SLCO3A1: variants seen among roughly 807,000 people sequenced by gnomAD.
The protein encoded by SLCO3A1 is solute carrier organic anion transporter family member 3A1, also known as PGE1 transporter.
Under a neutral mutation model 63.1 loss-of-function variants are expected in SLCO3A1, and 27 were observed. That is an observed-to-expected ratio of 0.43 (90% CI 0.32 to 0.59). The LOEUF is 0.59. Ranked by LOEUF, SLCO3A1 falls within the 20% of genes least tolerant of loss-of-function variation. The pLI is 0.09. For synonymous variants in SLCO3A1, 473 were observed against 409.9 expected (o/e 1.15, Z -1.86); for missense variants, 773 against 945.8 (o/e 0.82, Z 2.40).
In SLCO3A1 at chr15:91,876,656, G is replaced by A. The variant is rs548528660; in HGVS notation, c.180+22568G>A. Among the ~76,000 whole-genome samples the A allele has an allele frequency of 1.9e-4, 29 of 152,334 alleles. No homozygotes were observed. The South Asian group carries it at 5.2e-3, about 27-fold the overall frequency. Reference sequence around the variant, plus strand: ...CTGCAGATCTGAGGCTGGCAAGCATGGGCTCTGGATAAGTGGTAGGTTCCG... The same window carrying A: ...CTGCAGATCTGAGGCTGGCAAGCATAGGCTCTGGATAAGTGGTAGGTTCCG... On this transcript the variant is annotated intron_variant, in intron 1 of 9. Transcript: ENST00000318445.
At chr15:92,145,024 A>G (rs74028824) in intron 7 of SLCO3A1, among the ~76,000 whole-genome samples, 8,314 of 152,226 alleles carry the variant, frequency 0.055, 789 homozygotes, top group African/African-American at 0.19. Flanking sequence ...GCGAGTGACC[A>G]GAGGAGGACC....
intron 2 of SLCO3A1, among the ~76,000 whole-genome samples, chr15:92,051,884 A>G (rs2046962335): frequency 6.6e-6 from 1 of 152,224 alleles, no homozygotes; most frequent in Non-Finnish European, 1.5e-5. Flanking sequence ...GTAATTCTAC[A>G]GCAATGAGTC....
At chr15:92,153,484 C>G (rs1360521220) in intron 9 of SLCO3A1, 2 of 152,180 alleles carry the variant, frequency 1.3e-5, no homozygotes, top group African/African-American at 2.4e-5. Flanking sequence ...TGGCCTAATT[C>G]CCTTTCTTGC....
At chr15:92,073,185 G>C (rs2047237165) in intron 2 of SLCO3A1, among the ~76,000 whole-genome samples, 1 of 152,146 alleles carries the variant, frequency 6.6e-6, no homozygotes, top group African/African-American at 2.4e-5. Flanking sequence ...AAGACCACTT[G>C]GCCTCTCGGT....
At chr15:92,014,084 G>A (rs1401142891) in intron 2 of SLCO3A1, among the ~76,000 whole-genome samples, 2 of 152,112 alleles carry the variant, frequency 1.3e-5, no homozygotes, top group Non-Finnish European at 2.9e-5. Context: ...TATCTCCCCA[G>A]ATCCAGGCTA....
At chr15:92,138,495 T>C (rs1416258986) in intron 7 of SLCO3A1, among the ~76,000 whole-genome samples, 2 of 118,314 alleles carry the variant, frequency 1.7e-5, no homozygotes, top group Non-Finnish European at 3.2e-5. Context: ...AAAGTAGTTT[T>C]TTCCAATTCT....
intron 1 of SLCO3A1, among the ~76,000 whole-genome samples, chr15:91,887,982 A>T (rs1897769735): frequency 6.6e-6 from 1 of 152,216 alleles, no homozygotes; most frequent in Non-Finnish European, 1.5e-5. Flanking sequence ...CAGAGTCCCA[A>T]ACAGAAGGAG....
rs1897602939 is a variant in SLCO3A1 at position 91,882,073 on chromosome 15, T to G, written c.180+27985T>G. ...CCAATGTTATATGGAGGTGGAATAT[T>G]ACTCAAGGACATCCCCTTAGTTGCC... On this transcript the variant is annotated intron_variant, in intron 1 of 9. Transcript: ENST00000318445. This position sits in a 1 kb window ranked among gnomAD's most constrained non-coding sequence, Gnocchi z 4.4. Among the ~76,000 whole-genome samples the G allele has an allele frequency of 6.6e-6, 1 of 152,180 alleles. No individual in the cohort carries two copies. Among genetic ancestry groups the G allele is most frequent in the Non-Finnish European group, 1.5e-5 (1 of 68,034 alleles).
Position 92,164,309 on chromosome 15 carries a change from A to G in SLCO3A1, c.*1174A>G. 1 of 985,056 alleles carries G rather than the reference A, an allele frequency of 1.0e-6. No individual in the cohort carries two copies. Among genetic ancestry groups the G allele is most frequent in the Non-Finnish European group, 1.2e-6 (1 of 829,586 alleles). The allele number at this position is 985,056 out of a possible 1,614,324, so 61.0% of individuals were successfully genotyped here. Reference sequence around the variant, plus strand: ...AAAACAAGAATATACAATGTGTTACAAGAAGAAAAAAAAATGCTTCAAAAA... The same window carrying G: ...AAAACAAGAATATACAATGTGTTACGAGAAGAAAAAAAAATGCTTCAAAAA... On this transcript the variant is annotated 3_prime_UTR_variant, in exon 10 of 10. Coordinates refer to ENST00000318445, the MANE Select transcript of SLCO3A1 (RefSeq NM_013272.4).
At chr15:91,962,043 C>G (rs1281675015) in intron 2 of SLCO3A1, among the ~76,000 whole-genome samples, 2 of 152,224 alleles carry the variant, frequency 1.3e-5, no homozygotes, top group Non-Finnish European at 2.9e-5. Context: ...AAGTTGAGCT[C>G]AGCTCTTCTG....
intron 4 of SLCO3A1, among the ~76,000 whole-genome samples, chr15:92,107,843 C>A (rs2047684381): frequency 6.6e-6 from 1 of 152,218 alleles, no homozygotes; most frequent in Non-Finnish European, 1.5e-5. Context: ...GGTTAAAATC[C>A]AGCTCAGTCG....
chr15:91,962,461 A>G (rs1359585930), intron 2 of SLCO3A1, among the ~76,000 whole-genome samples: 1 of 141,472 alleles, frequency 7.1e-6, no homozygotes. Flanking sequence ...CCTGGGCAAC[A>G]AGAGCGAAAC....
intron 2 of SLCO3A1, among the ~76,000 whole-genome samples, chr15:92,024,729 G>A (rs2151474468): frequency 6.6e-6 from 1 of 152,280 alleles, no homozygotes; most frequent in South Asian, 2.1e-4. Context: ...AGAATTAGTG[G>A]GAATGAAGTG....
intron 1 of SLCO3A1, among the ~76,000 whole-genome samples, chr15:91,898,855 G>T (rs1260911172): frequency 6.6e-6 from 1 of 152,162 alleles, no homozygotes; most frequent in Non-Finnish European, 1.5e-5. Context: ...TGTCTAAAAA[G>T]GTTCTTGGAG....
intron 1 of SLCO3A1, among the ~76,000 whole-genome samples, chr15:91,905,987 T>C (rs1027987122): frequency 2.6e-5 from 4 of 152,174 alleles, no homozygotes; most frequent in African/African-American, 9.6e-5. Flanking sequence ...TTGGGTGCTA[T>C]GGGACCAGTG....
downstream of SLCO3A1, among the ~76,000 whole-genome samples, chr15:92,167,466 C>T (rs943261391): frequency 1.3e-5 from 2 of 152,144 alleles, no homozygotes; most frequent in South Asian, 2.1e-4. Flanking sequence ...AGTATTTATC[C>T]ATTTTCTAAC....
chr15:92,024,868 TC>T (rs759544953), intron 2 of SLCO3A1, among the ~76,000 whole-genome samples: 1 of 151,914 alleles, frequency 6.6e-6, no homozygotes, highest in Non-Finnish European at 1.5e-5. Flanking sequence ...TTCCCATTCA[TC>T]AACCCACCTA....
At chr15:92,046,435 C>T (rs191727346) in intron 2 of SLCO3A1, among the ~76,000 whole-genome samples, 2 of 152,148 alleles carry the variant, frequency 1.3e-5, no homozygotes, top group East Asian at 3.9e-4. Context: ...GAGGCTGAGG[C>T]AGGAGAATCG....
At chr15:91,976,168 A>G (rs4932593) in intron 2 of SLCO3A1, among the ~76,000 whole-genome samples, 63,158 of 151,970 alleles carry the variant, frequency 0.42, 13,316 homozygotes, top group African/African-American at 0.46. Flanking sequence ...GTTGATTGTG[A>G]TGAGGGTCCC....
Sources: gnomAD v4.1 joint callset for allele counts (sites outside exome capture counted in the v4.1 genomes callset) on GRCh38, gnomAD v4.1.1 for gene constraint, Gnocchi (gnomAD v3.1) non-coding constraint, MANE v1.5 for transcripts, NCBI Gene and HGNC (gene_info 2026-07-23, HGNC 2026-07-21) for gene names.